Variants in ALK observed in about 807,000 individuals in gnomAD.
ALK encodes ALK tyrosine kinase receptor.
In ALK, 74 loss-of-function variants were observed where a neutral mutation model predicts 163.1. That is an observed-to-expected ratio of 0.45 (90% CI 0.38 to 0.55). The LOEUF is 0.55. Among genes scored for constraint, ALK ranks in the 20% least tolerant of loss-of-function variants. The pLI, the probability that ALK is intolerant of heterozygous loss-of-function variation, is 0.00. For synonymous variants in ALK, 960 were observed against 843.2 expected (o/e 1.14, Z -2.40); for missense variants, 2,063 against 2,105.3 (o/e 0.98, Z 0.39).
chr2:29,877,085 G>C (rs546711292), intron 1 of ALK, among the ~76,000 whole-genome samples: 1 of 152,182 alleles, frequency 6.6e-6, no homozygotes, highest in African/African-American at 2.4e-5. Context: ...GAGGTTCAAC[G>C]AAGTAATTTT....
intron 1 of ALK, among the ~76,000 whole-genome samples, chr2:29,905,736 TGGC>T (rs1190407406): frequency 1.3e-5 from 2 of 152,054 alleles, no homozygotes; most frequent in African/African-American, 4.8e-5. Flanking sequence ...CTTTCCCCCT[TGGC>T]TGCATTTGTC....
intron 1 of ALK, among the ~76,000 whole-genome samples, chr2:29,814,443 G>A (rs1444312832): frequency 5.3e-5 from 8 of 151,742 alleles, no homozygotes; most frequent in Non-Finnish European, 1.0e-4. Flanking sequence ...GGCGGATCAC[G>A]AGGTCAGGAG....
In ALK at chr2:29,267,264, A is replaced by G. The variant is rs142097468; in HGVS notation, c.2041+7835T>C. 2.0e-5 allele frequency among the ~76,000 whole-genome samples: 3 copies of G among 152,288 alleles called. No homozygotes were observed. In the East Asian group the frequency reaches 5.8e-4, roughly 29 times the overall value. ...TGAGTTTGGCAGTGAACCCTTCCCCAGTAGAGCTTTCAGATGAGACCCCAG... is the reference window on the plus strand; with the variant it reads ...TGAGTTTGGCAGTGAACCCTTCCCCGGTAGAGCTTTCAGATGAGACCCCAG... On this transcript the variant is annotated intron_variant, in intron 11 of 28. Coordinates refer to ENST00000389048, the MANE Select transcript of ALK (RefSeq NM_004304.5).
At chr2:29,708,128 T>C (rs1053540104) in intron 2 of ALK, among the ~76,000 whole-genome samples, 3 of 152,124 alleles carry the variant, frequency 2.0e-5, no homozygotes, top group Non-Finnish European at 2.9e-5. Context: ...AGTGCAATGG[T>C]GCAGTCTCAG....
At position 29,260,462 on chromosome 2, in the gene ALK, T is replaced by G. The variant is rs560343729; in HGVS notation, c.2042-9195A>C. Among the ~76,000 whole-genome samples, 42 of 152,342 alleles carry G rather than the reference T, an allele frequency of 2.8e-4. 1 individual carries two copies. The highest frequency in any genetic ancestry group is 1.7e-3 in the East Asian group (9 of 5,192). On this transcript the variant is annotated intron_variant, in intron 11 of 28. Transcript: ENST00000389048. ...GTTATGTATTTTTATGTGAGATTAG[T>G]TTTCCTGGATTTTTAGGGTTCAGGA...
rs763979460 is a variant in ALK, at chr2:29,318,358, A to G, written c.1593T>C (p.Ser531=). The G allele has an allele frequency of 8.7e-6, 14 of 1,614,002 alleles. No homozygotes were observed. The highest frequency in any genetic ancestry group is 1.1e-5 in the South Asian group (1 of 91,092). Residue 531 remains serine (S), a synonymous_variant, in exon 8 of 29, where the codon AGT becomes AGC. Transcript: ENST00000389048. ...LSTTDVPASE[S]ATVTSATFPA... is the part of the protein sequence containing the mutation. ...GAAACGTAGCACTGGTCACTGTAGC[A>G]CTTTCAGAAGCGGGGACATCAGTGG...
intron 4 of ALK, among the ~76,000 whole-genome samples, chr2:29,491,341 C>T (rs1055682498): frequency 3.3e-5 from 5 of 152,108 alleles, no homozygotes; most frequent in Admixed American, 6.5e-5. Context: ...ATAATATGTA[C>T]TCAGTAAGTA....
At chr2:29,797,379 T>C (rs992322242) in intron 1 of ALK, among the ~76,000 whole-genome samples, 1 of 152,220 alleles carries the variant, frequency 6.6e-6, no homozygotes, top group African/African-American at 2.4e-5. Flanking sequence ...ATGCTTCTCC[T>C]TGAAGCATCC....
intron 4 of ALK, among the ~76,000 whole-genome samples, chr2:29,466,314 A>G (rs1671211956): frequency 6.6e-6 from 1 of 152,040 alleles, no homozygotes; most frequent in African/African-American, 2.4e-5. Flanking sequence ...GTCCAGAGTC[A>G]TGGGAACCAC....
At chr2:29,272,593 C>T (rs539006127) in intron 11 of ALK, among the ~76,000 whole-genome samples, 3 of 152,272 alleles carry the variant, frequency 2.0e-5, no homozygotes, top group Admixed American at 2.0e-4. Flanking sequence ...AGGGCCTTTG[C>T]GTTTCTAGTT....
intron 3 of ALK, among the ~76,000 whole-genome samples, chr2:29,595,619 C>T (rs1307481883): frequency 6.6e-6 from 1 of 152,130 alleles, no homozygotes; most frequent in Non-Finnish European, 1.5e-5. Flanking sequence ...CGCGCCCAGC[C>T]GTCTTATTGG....
At chr2:29,777,155 G>A (rs1681200000) in intron 1 of ALK, among the ~76,000 whole-genome samples, 1 of 152,292 alleles carries the variant, frequency 6.6e-6, no homozygotes, top group Non-Finnish European at 1.5e-5. Context: ...CACTAAACTA[G>A]CATTTGCTAT....
In ALK at chr2:29,611,632, A is replaced by C. The variant is rs890728218; in HGVS notation, c.953-79516T>G. Among the ~76,000 whole-genome samples, 5 of 152,232 alleles carry C rather than the reference A, an allele frequency of 3.3e-5. No individual in the cohort carries two copies. In the East Asian group the frequency reaches 9.7e-4, roughly 29 times the overall value. On this transcript the variant is annotated intron_variant, in intron 3 of 28. Transcript: ENST00000389048. ...TCTCATCTTGAAATGTAATCCCCAC[A>C]GTTAGGGGGAGGGGCCTAGTGGGAG...
intron 4 of ALK, among the ~76,000 whole-genome samples, chr2:29,434,244 T>A (rs966251850): frequency 6.6e-6 from 1 of 152,212 alleles, no homozygotes; most frequent in African/African-American, 2.4e-5. Context: ...ACACTCCAAG[T>A]GGGCATATTG....
At chr2:29,869,507 A>C (rs1394638303) in intron 1 of ALK, among the ~76,000 whole-genome samples, 2 of 152,192 alleles carry the variant, frequency 1.3e-5, no homozygotes, top group Non-Finnish European at 2.9e-5. Flanking sequence ...ACAAATCAGT[A>C]AGGAAGGAAC....
At chr2:29,249,216 C>T (rs1664758156) in intron 12 of ALK, among the ~76,000 whole-genome samples, 1 of 152,236 alleles carries the variant, frequency 6.6e-6, no homozygotes, top group South Asian at 2.1e-4. Flanking sequence ...CTCTGTGGGA[C>T]AGGGAGCAGG....
At chr2:29,200,769 A>T (rs549540470) in intron 26 of ALK, among the ~76,000 whole-genome samples, 27,933 of 132,994 alleles carry the variant, frequency 0.21, 4,913 homozygotes, top group East Asian at 0.68. Flanking sequence ...ATGTATATAT[A>T]TACGTATATA....
At chr2:29,744,482 C>G (rs373760392) in intron 1 of ALK, among the ~76,000 whole-genome samples, 9 of 152,268 alleles carry the variant, frequency 5.9e-5, no homozygotes, top group East Asian at 3.9e-4. Flanking sequence ...CTGGTCAACT[C>G]TAGCTCGCTT....
intron 1 of ALK, among the ~76,000 whole-genome samples, chr2:29,903,916 A>C (rs933133150): frequency 6.6e-6 from 1 of 152,200 alleles, no homozygotes; most frequent in Admixed American, 6.5e-5. Context: ...AATAGGTTAG[A>C]ATCATAGGAT....
Sources: allele counts gnomAD v4.1 joint callset (sites outside exome capture counted in the v4.1 genomes callset), GRCh38; gene constraint gnomAD v4.1.1; transcripts MANE v1.5; gene names NCBI Gene and HGNC (gene_info 2026-07-23, HGNC 2026-07-21).